The following GALNT16 variants were observed in gnomAD, a reference collection of about 807,000 sequenced individuals.
GALNT16 encodes UDP-GalNAc:polypeptide N-acetylgalactosaminyltransferase-like protein 1.
A neutral mutation model predicts 76.1 loss-of-function variants in GALNT16; 40 were observed. The observed-to-expected ratio is 0.53, with a 90% CI of 0.41 to 0.68. GALNT16 has a LOEUF of 0.68. Among genes scored for constraint, GALNT16 ranks in the 30% least tolerant of loss-of-function variants. GALNT16 has a pLI of 0.00. For missense variants in GALNT16, 621 were observed against 731.9 expected (o/e 0.85, Z 1.75); for synonymous variants, 276 against 285.2 (o/e 0.97, Z 0.32).
downstream of GALNT16, chr14:69,356,750 G>C (rs550571461): frequency 5.3e-5 from 8 of 151,860 alleles, no homozygotes; most frequent in Non-Finnish European, 1.2e-4. Context: ...GTAGAGACAG[G>C]GTTTCACCGT....
At chr14:69,336,834 T>TCTC (rs377009978) in intron 9 of GALNT16, among the ~76,000 whole-genome samples, 5,802 of 152,102 alleles carry the variant, frequency 0.038, 137 homozygotes, top group South Asian at 0.055. Flanking sequence ...TTCAAACAAT[T>TCTC]CTGCCTCAGC....
intron 1 of GALNT16, among the ~76,000 whole-genome samples, chr14:69,310,214 A>T (rs2044997411): frequency 6.6e-6 from 1 of 152,142 alleles, no homozygotes; most frequent in African/African-American, 2.4e-5. Context: ...ATAGATCTAT[A>T]TCCTATAGAT....
At chr14:69,377,804 C>CAAAAAA in the GALNT16 span, among the ~76,000 whole-genome samples, 194 of 37,496 alleles carry the variant, frequency 5.2e-3, no homozygotes, top group Non-Finnish European at 6.5e-3. Context: ...GAGACTGTCT[C>CAAAAAA]AAAAAAAAAA....
At chr14:69,377,329 G>C in the GALNT16 span, among the ~76,000 whole-genome samples, 1 of 152,016 alleles carries the variant, frequency 6.6e-6, no homozygotes, top group African/African-American at 2.4e-5. Flanking sequence ...GTGATCTGGT[G>C]AATCACTTAG....
At chr14:69,329,918 A>G (rs2045332129) in intron 6 of GALNT16, among the ~76,000 whole-genome samples, 2 of 152,172 alleles carry the variant, frequency 1.3e-5, no homozygotes, top group African/African-American at 4.8e-5. Context: ...CTTGGGGATT[A>G]CATTTCAACA....
downstream of GALNT16, among the ~76,000 whole-genome samples, chr14:69,361,275 CTG>C (rs2045722124): frequency 6.6e-6 from 1 of 152,206 alleles, no homozygotes; most frequent in African/African-American, 2.4e-5. Context: ...TGACCAAACA[CTG>C]AGACACACAT....
intron 1 of GALNT16, among the ~76,000 whole-genome samples, chr14:69,272,011 A>C (rs2044412549): frequency 6.6e-6 from 1 of 152,184 alleles, no homozygotes; most frequent in African/African-American, 2.4e-5. Flanking sequence ...CATGGCTTGC[A>C]GTCTGTTTCC....
chr14:69,364,377 G>A, the GALNT16 span, among the ~76,000 whole-genome samples: 2 of 152,326 alleles, frequency 1.3e-5, no homozygotes, highest in African/African-American at 4.8e-5. The surrounding 1 kb of genome is among the most constrained non-coding windows in gnomAD (Gnocchi z 4.2). Flanking sequence ...ATGAATGTGA[G>A]AACAAAGATT....
At chr14:69,317,969 G>C (rs1453371920) in intron 1 of GALNT16, among the ~76,000 whole-genome samples, 1 of 152,176 alleles carries the variant, frequency 6.6e-6, no homozygotes, top group African/African-American at 2.4e-5. Flanking sequence ...GAGGAGAGAG[G>C]AAGTGAAAGC....
At chr14:69,284,782 G>A (rs1216817988) in intron 1 of GALNT16, among the ~76,000 whole-genome samples, 1 of 152,132 alleles carries the variant, frequency 6.6e-6, no homozygotes, top group Non-Finnish European at 1.5e-5. Context: ...GGAGGGACCT[G>A]GTGGGAGGTA....
intron 1 of GALNT16, among the ~76,000 whole-genome samples, chr14:69,304,936 G>A (rs1190157543): frequency 1.3e-5 from 2 of 152,260 alleles, no homozygotes; most frequent in South Asian, 2.1e-4. Context: ...ACAAAGGAGT[G>A]CTAATATCCC....
rs2044721196 is a variant in GALNT16, at chr14:69,294,002, T to TCTC, written c.178-26709_178-26708insCTC. On this transcript the variant is annotated intron_variant, in intron 1 of 14. Transcript: ENST00000448469. ...GCCTCCCAGGTTCAAGCAATTTTCC[T>TCTC]GCCTCAGCCTCCTGAGTAGTTGGGA... 2.0e-5 allele frequency among the ~76,000 whole-genome samples: 3 copies of TCTC among 152,276 alleles called. No individual in the cohort carries two copies. The South Asian group carries it at 6.2e-4, about 32-fold the overall frequency.
chr14:69,291,984 C>T (rs949729525), intron 1 of GALNT16, among the ~76,000 whole-genome samples: 1 of 152,146 alleles, frequency 6.6e-6, no homozygotes, highest in African/African-American at 2.4e-5. Flanking sequence ...GTTCAGATAC[C>T]CCTCCTGGGC....
the GALNT16 span, among the ~76,000 whole-genome samples, chr14:69,366,561 T>C: frequency 6.6e-6 from 1 of 152,146 alleles, no homozygotes; most frequent in African/African-American, 2.4e-5. Context: ...ACAACTAAAT[T>C]AGCTTCTAGT....
intron 6 of GALNT16, 57 bp from the exon 7 acceptor site, chr14:69,331,407 A>T: frequency 1.1e-6 from 1 of 936,000 alleles, no homozygotes; most frequent in Non-Finnish European, 1.8e-6. Context: ...GCAGGCAGCT[A>T]GGCCTTTTTC....
intron 1 of GALNT16, among the ~76,000 whole-genome samples, chr14:69,302,435 A>C (rs2140141779): frequency 1.5e-5 from 1 of 67,264 alleles, no homozygotes; most frequent in African/African-American, 9.7e-5. Flanking sequence ...TACTGATTTT[A>C]ACATGATTTT....
the GALNT16 span, chr14:69,380,357 A>G: frequency 7.0e-6 from 3 of 427,406 alleles, no homozygotes; most frequent in Non-Finnish European, 1.2e-5. Flanking sequence ...AGAAAGAAAA[A>G]GAGGAGGTAA....
the GALNT16 span, among the ~76,000 whole-genome samples, chr14:69,379,358 A>AC: frequency 6.6e-6 from 1 of 152,208 alleles, no homozygotes; most frequent in Non-Finnish European, 1.5e-5. Flanking sequence ...CATTTCATTA[A>AC]CCAGATTATT....
At position 69,341,669 on chromosome 14, in the gene GALNT16, C is replaced by T. The variant is rs746241202; in HGVS notation, c.1188-12C>T. 12 of 1,598,780 alleles carry T rather than the reference C, an allele frequency of 7.5e-6. No homozygotes were observed. The Admixed American group carries it at 1.7e-4, about 22-fold the overall frequency. ...TGGCAGGCCAAAGCCCAAGCCCTGC[C>T]TCCTCCTACAGTGTGGCTACGCGGA... On this transcript the variant is annotated splice_polypyrimidine_tract_variant and intron_variant, in intron 11 of 14. Coordinates refer to ENST00000448469, the MANE Select transcript of GALNT16 (RefSeq NM_001168368.2).
Sources: allele counts gnomAD v4.1 joint callset (sites outside exome capture counted in the v4.1 genomes callset), GRCh38; gene constraint gnomAD v4.1.1; non-coding constraint Gnocchi (gnomAD v3.1); transcripts MANE v1.5; gene names NCBI Gene and HGNC (gene_info 2026-07-23, HGNC 2026-07-21).